Variants in EGFR observed in about 807,000 individuals in gnomAD.
The protein encoded by EGFR is epidermal growth factor receptor.
Under a neutral mutation model 143.0 loss-of-function variants are expected in EGFR, and 58 were observed. The observed-to-expected ratio is 0.41, with a 90% CI of 0.33 to 0.50. EGFR has a LOEUF of 0.50. Ranked by LOEUF, EGFR falls within the 20% of genes least tolerant of loss-of-function variation. EGFR has a pLI of 0.39. For missense variants in EGFR, 1,307 were observed against 1,579.0 expected, an observed-to-expected ratio of 0.83 and a Z score of 2.92; for synonymous variants, 613 against 594.4, an observed-to-expected ratio of 1.03 and a Z score of -0.45.
chr7:55,044,626 G>A (rs1788086838), intron 1 of EGFR, among the ~76,000 whole-genome samples: 1 of 152,234 alleles, frequency 6.6e-6, no homozygotes, highest in Non-Finnish European at 1.5e-5. Context: ...TTTGGGCAGG[G>A]CAGGTGACCA....
At chr7:55,065,701 T>G (rs1412820121) in intron 1 of EGFR, among the ~76,000 whole-genome samples, 1 of 152,176 alleles carries the variant, frequency 6.6e-6, no homozygotes, top group East Asian at 1.9e-4. Context: ...TTGGGGGAAT[T>G]AGGGACATGG....
In EGFR at chr7:55,210,271, G is replaced by A. The variant is rs6593211; in HGVS notation, c.*4654G>A. 57,423 of 152,004 alleles carry A rather than the reference G, an allele frequency of 0.38. 12,583 individuals carry two copies. The highest frequency in any genetic ancestry group is 0.75 in the East Asian group (3,877 of 5,180). The allele number at this position is 152,004 out of a possible 1,614,324, so 9.4% of individuals were successfully genotyped here. On this transcript the variant is annotated 3_prime_UTR_variant, in exon 28 of 28. Coordinates refer to ENST00000275493, the MANE Select transcript of EGFR (RefSeq NM_005228.5). ...ATTTACAATTGATATGCATTTACCA[G>A]TATAAACTAGACATGTCTGGAGAGC...
chr7:55,148,805 T>C (rs1794894711), intron 4 of EGFR, among the ~76,000 whole-genome samples: 1 of 152,168 alleles, frequency 6.6e-6, no homozygotes, highest in South Asian at 2.1e-4. Context: ...CTCTCTTGAC[T>C]GGTGCTTTAT....
At chr7:55,045,240 ATATATTATGAG>A (rs1197639627) in intron 1 of EGFR, among the ~76,000 whole-genome samples, 1 of 152,240 alleles carries the variant, frequency 6.6e-6, no homozygotes. Context: ...TTTATTAATC[ATATATTATGAG>A]TTATTGCTCT....
At chr7:55,178,570 G>A (rs1482626687) in intron 19 of EGFR, among the ~76,000 whole-genome samples, 2 of 152,174 alleles carry the variant, frequency 1.3e-5, no homozygotes, top group Admixed American at 6.5e-5. Context: ...GCCTCAGGTG[G>A]GCCGTTCACC....
intron 1 of EGFR, among the ~76,000 whole-genome samples, chr7:55,043,276 G>A (rs112021997): frequency 2.0e-3 from 299 of 152,274 alleles, no homozygotes; most frequent in African/African-American, 7.0e-3. Context: ...GAGACATCTG[G>A]CAATGTTTGG....
At chr7:55,186,399 C>T (rs1386075339) in intron 20 of EGFR, among the ~76,000 whole-genome samples, 1 of 152,166 alleles carries the variant, frequency 6.6e-6, no homozygotes, top group Non-Finnish European at 1.5e-5. Context: ...CAGAGCCTAC[C>T]CCTGCTGACT....
Position 55,181,405 on chromosome 7 carries a change from T to C in EGFR, c.2396T>C (p.Leu799Pro). The part of the protein sequence containing the change: ...ITQLMPFGCL[L>P]DYVREHKDNI... ...CAGCTCATGCCCTTCGGCTGCCTCC[T>C]GGACTATGTCCGGGAACACAAAGAC... is the stretch of plus-strand genomic sequence containing the variant. Residue 799 changes from leucine to proline, a missense_variant, in exon 20 of 28, where the codon CTG (leucine) becomes CCG (proline). Transcript: ENST00000275493. 6.2e-7 allele frequency: 1 copy of C among 1,614,228 alleles called. No homozygotes were observed. Among genetic ancestry groups the C allele is most frequent in the Non-Finnish European group, 8.5e-7 (1 of 1,180,046 alleles).
At chr7:55,036,278 G>A (rs1249543704) in intron 1 of EGFR, among the ~76,000 whole-genome samples, 2 of 94,802 alleles carry the variant, frequency 2.1e-5, no homozygotes, top group Non-Finnish European at 4.4e-5. Context: ...GTGTGGGGGG[G>A]GGGGGGTGGG....
At chr7:55,073,061 T>C (rs189364964) in intron 1 of EGFR, among the ~76,000 whole-genome samples, 100 of 152,354 alleles carry the variant, frequency 6.6e-4, no homozygotes, top group African/African-American at 2.2e-3. Context: ...GCTAACTACC[T>C]GACTACTTTG....
rs373129709 is a variant in EGFR at position 55,019,338 on chromosome 7, G to A, written c.61G>A (p.Ala21Thr). Residue 21 changes from alanine (A) to threonine (T), a missense_variant, in exon 1 of 28, where the codon GCG (alanine) becomes ACG (threonine). This residue lies in a region of EGFR where 65 missense variants were observed against 37.8 expected (regional missense o/e 1.72). Transcript: ENST00000275493. Reference sequence around the variant, plus strand: ...GGCGCTGCTGGCTGCGCTCTGCCCGGCGAGTCGGGCTCTGGAGGAAAAGAA... The same window carrying A: ...GGCGCTGCTGGCTGCGCTCTGCCCGACGAGTCGGGCTCTGGAGGAAAAGAA... ...LLALLAALCP[A>T]SRALEEKKVC... 23 of 1,518,122 alleles carry A rather than the reference G, an allele frequency of 1.5e-5. No individual in the cohort carries two copies. In the East Asian group the frequency reaches 3.9e-4, roughly 26 times the overall value. The allele number at this position is 1,518,122 out of a possible 1,614,324, so 94.0% of individuals were successfully genotyped here.
rs1039546294 is a variant in EGFR, at chr7:55,123,862, C to T, written c.89-18424C>T. ...GTGCATGTGAATGTGCCCGTATGTG[C>T]ATGCATGCACGTGTGTAAATGGATG... On this transcript the variant is annotated intron_variant, in intron 1 of 27. Transcript: ENST00000275493. 2.0e-5 allele frequency among the ~76,000 whole-genome samples: 3 copies of T among 150,102 alleles called. No individual in the cohort carries two copies. In the South Asian group the frequency reaches 6.5e-4, roughly 32 times the overall value.
intron 1 of EGFR, among the ~76,000 whole-genome samples, chr7:55,137,571 A>G (rs1224740780): frequency 2.0e-5 from 3 of 152,186 alleles, no homozygotes; most frequent in African/African-American, 7.2e-5. Context: ...TCTCAAGAAA[A>G]ATAATAACGA....
rs1307021185 is a variant in EGFR at position 55,210,638 on chromosome 7, C to G, written c.*5021C>G. 1 of 152,226 alleles carries G rather than the reference C, an allele frequency of 6.6e-6. No individual in the cohort carries two copies. Among genetic ancestry groups the G allele is most frequent in the Admixed American group, 6.5e-5 (1 of 15,280 alleles). 9.4% of individuals were successfully genotyped at this position (152,226 alleles called of 1,614,324 possible). A position where few individuals can be genotyped will look rare whatever the true frequency, so the allele number is the denominator to read the frequency against. Reference sequence around the variant, plus strand: ...AGCTAAGACACAAAGACCTCCACATCTGTCGCTGAGAGTCAAGAACCTGAA... The same window carrying G: ...AGCTAAGACACAAAGACCTCCACATGTGTCGCTGAGAGTCAAGAACCTGAA... On this transcript the variant is annotated 3_prime_UTR_variant, in exon 28 of 28. Transcript: ENST00000275493.
intron 1 of EGFR, among the ~76,000 whole-genome samples, chr7:55,077,110 T>A (rs943782184): frequency 3.3e-5 from 5 of 152,140 alleles, no homozygotes; most frequent in African/African-American, 1.2e-4. Flanking sequence ...AATGTCTTCA[T>A]GAGGTCAATT....
intron 15 of EGFR, chr7:55,166,174 A>G (rs1785971689): frequency 4.3e-6 from 2 of 463,624 alleles, no homozygotes; most frequent in Admixed American, 6.1e-5. Context: ...CAAAAAAAAA[A>G]GCTACTTTGA....
At position 55,201,293 on chromosome 7, in the gene EGFR, A is replaced by C. The variant is rs1362774341; in HGVS notation, c.3052A>C (p.Ile1018Leu). The C allele has an allele frequency of 8.7e-6, 14 of 1,614,098 alleles. No individual in the cohort carries two copies. Among genetic ancestry groups the C allele is most frequent in the Non-Finnish European group, 1.2e-5 (14 of 1,180,014 alleles). ...CGTGGTGGATGCCGACGAGTACCTC[A>C]TCCCACAGCAGGGCTTCTTCAGCAG... ...DDVVDADEYLIPQQGFFSSPS... is the reference protein window; with the variant it reads ...DDVVDADEYLLPQQGFFSSPS... The change falls in exon 25 of 28, where the codon ATC (isoleucine) becomes CTC (leucine). Residue 1018 changes from isoleucine to leucine, a missense_variant. By Grantham distance (5) the Ile-to-Leu change is conservative (BLOSUM62 2). This residue lies in a region of EGFR where 313 missense variants were observed against 312.3 expected (regional missense o/e 1.00). Transcript: ENST00000275493.
In EGFR at chr7:55,205,580, G is replaced by C. The variant is rs768074018; in HGVS notation, c.3596G>C (p.Arg1199Thr). 6.2e-7 allele frequency: 1 copy of C among 1,614,182 alleles called. No individual in the cohort carries two copies. Among genetic ancestry groups the C allele is most frequent in the Non-Finnish European group, 8.5e-7 (1 of 1,180,046 alleles). Reference sequence around the variant, plus strand: ...ACAGCTGAAAATGCAGAATACCTAAGGGTCGCGCCACAAAGCAGTGAATTT... The same window carrying C: ...ACAGCTGAAAATGCAGAATACCTAACGGTCGCGCCACAAAGCAGTGAATTT... ...GSTAENAEYL[R>T]VAPQSSEFIG... is the part of the protein sequence containing the mutation. Residue 1199 changes from arginine to threonine, a missense_variant, in exon 28 of 28, where the codon AGG becomes ACG. Arg to Thr is a moderately conservative substitution (Grantham distance 71). Transcript: ENST00000275493.
intron 1 of EGFR, among the ~76,000 whole-genome samples, chr7:55,040,182 G>A (rs1214109024): frequency 6.6e-6 from 1 of 152,152 alleles, no homozygotes; most frequent in Non-Finnish European, 1.5e-5. Flanking sequence ...TTGGAAGTGG[G>A]CTCTGTGGAG....
Sources: allele counts gnomAD v4.1 joint callset (sites outside exome capture counted in the v4.1 genomes callset), GRCh38; gene constraint gnomAD v4.1.1; regional missense constraint gnomAD v4.1.1; transcripts MANE v1.5; gene names NCBI Gene and HGNC (gene_info 2026-07-23, HGNC 2026-07-21).